FGF14: variants seen among roughly 807,000 people sequenced by gnomAD.
The protein encoded by FGF14 is fibroblast growth factor 14.
In FGF14, 5 loss-of-function variants were observed where a neutral mutation model predicts 25.5. That is an observed-to-expected ratio of 0.20 (90% confidence interval 0.10 to 0.41). The LOEUF (loss-of-function observed/expected upper bound fraction) is 0.41. Among genes scored for constraint, FGF14 ranks in the 10% least tolerant of loss-of-function variants. The pLI, the probability that FGF14 is intolerant of heterozygous loss-of-function variation, is 1.00. For missense variants in FGF14, 222 were observed against 320.1 expected (o/e 0.69, Z 2.34); for synonymous variants, 138 against 118.3 (o/e 1.17, Z -1.08).
At chr13:101,985,088 T>C (rs1288390946) in intron 1 of FGF14, among the ~76,000 whole-genome samples, 1 of 151,094 alleles carries the variant, frequency 6.6e-6, no homozygotes, top group African/African-American at 2.4e-5. Context: ...TTGTTTTTTT[T>C]TTTTTTGCCA....
intron 1 of FGF14, among the ~76,000 whole-genome samples, chr13:102,193,838 A>G (rs2049226671): frequency 2.0e-5 from 3 of 152,226 alleles, no homozygotes; most frequent in Admixed American, 2.0e-4. Flanking sequence ...CAAAAAAATC[A>G]TGATACATGT....
intron 1 of FGF14, among the ~76,000 whole-genome samples, chr13:102,189,709 AAG>A (rs2049049389): frequency 6.6e-6 from 1 of 152,104 alleles, no homozygotes; most frequent in Non-Finnish European, 1.5e-5. Flanking sequence ...ATGTATAACC[AAG>A]AGTTTTATTT....
chr13:102,298,549 C>T (rs1206521953), intron 1 of FGF14, among the ~76,000 whole-genome samples: 1 of 152,094 alleles, frequency 6.6e-6, no homozygotes, highest in Non-Finnish European at 1.5e-5. Flanking sequence ...TAGTATTTTA[C>T]AGTATGTCTT....
chr13:102,316,739 T>C (rs2056042700), intron 1 of FGF14, among the ~76,000 whole-genome samples: 1 of 152,236 alleles, frequency 6.6e-6, no homozygotes, highest in Non-Finnish European at 1.5e-5. Context: ...TCAGATGTCC[T>C]GAAACAGACC....
At chr13:101,757,659 T>C (rs1457227811) in intron 3 of FGF14, among the ~76,000 whole-genome samples, 2 of 152,186 alleles carry the variant, frequency 1.3e-5, no homozygotes, top group African/African-American at 4.8e-5. Flanking sequence ...GGGGTTGATA[T>C]GTATTTCAAT....
chr13:102,032,242 C>G lies in FGF14; in HGVS notation c.209-156946G>C, dbSNP rs530144267. Among the ~76,000 whole-genome samples the G allele has an allele frequency of 3.3e-5, 5 of 152,262 alleles. No homozygotes were observed. In the South Asian group the frequency reaches 1.0e-3, roughly 32 times the overall value. ...TTCAGCCTTTTCTCTCCACTACCCACTAAATAGGGTTTCTATTTGGCTTTC... is the reference window on the plus strand; with the variant it reads ...TTCAGCCTTTTCTCTCCACTACCCAGTAAATAGGGTTTCTATTTGGCTTTC... On this transcript the variant is annotated intron_variant, in intron 1 of 4. Coordinates refer to the FGF14 transcript ENST00000376131.
intron 1 of FGF14, among the ~76,000 whole-genome samples, chr13:102,121,609 G>A (rs576980600): frequency 1.3e-5 from 2 of 152,114 alleles, no homozygotes; most frequent in African/African-American, 2.4e-5. Context: ...CTTGATCCAA[G>A]TGGAAATGTT....
intron 3 of FGF14, among the ~76,000 whole-genome samples, chr13:101,855,378 T>G (rs146387943): frequency 7.2e-5 from 11 of 152,154 alleles, no homozygotes; most frequent in African/African-American, 2.4e-4. Flanking sequence ...GGTAAAACAC[T>G]GACATCAATA....
chr13:101,826,501 C>G (rs547161658), intron 3 of FGF14, among the ~76,000 whole-genome samples: 1 of 152,062 alleles, frequency 6.6e-6, no homozygotes, highest in Non-Finnish European at 1.5e-5. Context: ...TTCATCACCT[C>G]AAACTTCCCA....
At chr13:102,172,455 A>T (rs2048289348) in intron 1 of FGF14, among the ~76,000 whole-genome samples, 1 of 152,090 alleles carries the variant, frequency 6.6e-6, no homozygotes, top group South Asian at 2.1e-4. Context: ...AGAGTAACTT[A>T]GTCTAGTCAG....
At chr13:102,284,911 TTCTC>T (rs144977883) in intron 1 of FGF14, among the ~76,000 whole-genome samples, 33 of 151,602 alleles carry the variant, frequency 2.2e-4, no homozygotes, top group African/African-American at 7.2e-4. Context: ...CCTTTTCTAT[TTCTC>T]TCTCTCTCTC....
At chr13:102,013,279 G>T (rs1339627427) in intron 1 of FGF14, among the ~76,000 whole-genome samples, 2 of 152,154 alleles carry the variant, frequency 1.3e-5, no homozygotes, top group Admixed American at 6.5e-5. Context: ...TCTACATGTA[G>T]TATTTCCTGC....
intron 1 of FGF14, among the ~76,000 whole-genome samples, chr13:102,324,591 G>A (rs1410763224): frequency 6.6e-6 from 1 of 152,136 alleles, no homozygotes; most frequent in Non-Finnish European, 1.5e-5. Flanking sequence ...TTGACACAGT[G>A]GCTAGAACAG....
chr13:102,177,161 T>TA (rs1478286589), intron 1 of FGF14, among the ~76,000 whole-genome samples: 1 of 152,190 alleles, frequency 6.6e-6, no homozygotes, highest in East Asian at 1.9e-4. Context: ...CCATGTGAAA[T>TA]ACGTCTTCAT....
At chr13:102,331,273 A>G (rs559542010) in intron 1 of FGF14, among the ~76,000 whole-genome samples, 1 of 152,192 alleles carries the variant, frequency 6.6e-6, no homozygotes, top group Non-Finnish European at 1.5e-5. Context: ...CCATTTTCTC[A>G]TATTTTAATA....
At chr13:102,237,914 GCATT>G (rs973496098) in intron 1 of FGF14, among the ~76,000 whole-genome samples, 29 of 152,196 alleles carry the variant, frequency 1.9e-4, no homozygotes, top group African/African-American at 6.3e-4. Context: ...ATCTGTCTTG[GCATT>G]CACTCTAAAC....
chr13:102,364,760 C>T (rs1160818760), intron 1 of FGF14, among the ~76,000 whole-genome samples: 2 of 152,212 alleles, frequency 1.3e-5, no homozygotes, highest in Admixed American at 6.5e-5. Flanking sequence ...TCAGAAACCA[C>T]GGTCTCTCCG....
At position 101,750,247 on chromosome 13, in the gene FGF14, A is replaced by G. The variant is rs559761853; in HGVS notation, c.409-23437T>C. ...GCACAAATAAGATACAGCAATCTTT[A>G]CACTTACTCTGGCTTGTGCAACAAT... On this transcript the variant is annotated intron_variant, in intron 3 of 4. Transcript: ENST00000376143. Among the ~76,000 whole-genome samples the G allele has an allele frequency of 4.1e-4, 63 of 152,246 alleles. 2 individuals carry two copies. Among genetic ancestry groups the G allele is most frequent in the Non-Finnish European group, 4.3e-4 (29 of 68,004 alleles).
intron 1 of FGF14, among the ~76,000 whole-genome samples, chr13:102,219,410 C>A (rs1484723827): frequency 6.6e-6 from 1 of 152,108 alleles, no homozygotes; most frequent in Non-Finnish European, 1.5e-5. Context: ...TTGACATCAA[C>A]CCCTGCTCCC....
Sources: gnomAD v4.1 joint callset for allele counts (sites outside exome capture counted in the v4.1 genomes callset) on GRCh38, gnomAD v4.1.1 for gene constraint, MANE v1.5 for transcripts, NCBI Gene and HGNC (gene_info 2026-07-23, HGNC 2026-07-21) for gene names.